Variants in CD5L observed in about 807,000 individuals in gnomAD.
CD5L encodes CD5 molecule like.
CD5L carries 39 observed loss-of-function variants against 40.8 expected under a neutral mutation model. The ratio of observed to expected loss-of-function variants is 0.96; its 90% confidence interval spans 0.74 to 1.25. The LOEUF (loss-of-function observed/expected upper bound fraction) is 1.25, where lower values mean the gene tolerates loss of function less well. Ranked by LOEUF, CD5L falls within the 50% of genes most tolerant of loss-of-function variation. The probability of loss-of-function intolerance (pLI) is 0.00; values close to 1 mark genes in which losing one functional copy is unlikely to be tolerated. For missense variants in CD5L, 433 were observed against 435.9 expected (o/e 0.99, Z 0.06); for synonymous variants, 192 against 169.6 (o/e 1.13, Z -1.03).
downstream of CD5L, among the ~76,000 whole-genome samples, chr1:157,827,243 T>C (rs140100250): frequency 1.3e-4 from 20 of 151,150 alleles, no homozygotes; most frequent in Middle Eastern, 3.4e-3. Context: ...GTCAGAGTTC[T>C]TCAGAGAAAC....
In CD5L at chr1:157,831,931, G is replaced by A; in HGVS notation, c.*33C>T. 1 of 1,566,692 alleles carries A rather than the reference G, an allele frequency of 6.4e-7. No homozygotes were observed. Among genetic ancestry groups the A allele is most frequent in the Non-Finnish European group, 8.6e-7 (1 of 1,160,340 alleles). On this transcript the variant is annotated 3_prime_UTR_variant, in exon 6 of 6. Coordinates refer to ENST00000368174, the MANE Select transcript of CD5L (RefSeq NM_005894.3). ...GGAGAACAAGCAGAGGGCAGGCGGG[G>A]CCAGGGGGGCCAGGTCAAGCAACAC...
In CD5L at chr1:157,836,853, G is replaced by A. The variant is rs55892440; in HGVS notation, c.56-698C>T. Among the ~76,000 whole-genome samples, 233 of 152,288 alleles carry A rather than the reference G, an allele frequency of 1.5e-3. 1 individual carries two copies. The highest frequency in any genetic ancestry group is 5.1e-3 in the African/African-American group (212 of 41,562). On this transcript the variant is annotated intron_variant, in intron 2 of 5. Transcript: ENST00000368174. ...CAGAGTCTCAGAGCCCCAAGAGTTT[G>A]GTCTAATTCCAGGGACTAGAAGCAT...
rs1331551830 is a variant in CD5L, at chr1:157,836,215, T to C, written c.56-60A>G. On this transcript the variant is annotated intron_variant, in intron 2 of 5. Transcript: ENST00000368174. ...GAGGAGCTCAGAGGGTCCTTAGGCA[T>C]GTACTCAGTCAATCTGGGACTCTTC... 47 of 1,418,716 alleles carry C rather than the reference T, an allele frequency of 3.3e-5. No individual in the cohort carries two copies. In the Admixed American group the frequency reaches 4.1e-4, roughly 12 times the overall value. The allele number at this position is 1,418,716 out of a possible 1,614,324, so 87.9% of individuals were successfully genotyped here. A position where few individuals can be genotyped will look rare whatever the true frequency, so the allele number is the denominator to read the frequency against.
chr1:157,838,999 C>CTCA (rs879260318), intron 2 of CD5L, among the ~76,000 whole-genome samples: 2 of 152,228 alleles, frequency 1.3e-5, no homozygotes, highest in African/African-American at 2.4e-5. Flanking sequence ...CAAACAAAGA[C>CTCA]ACCATTAAGC....
downstream of CD5L, among the ~76,000 whole-genome samples, chr1:157,829,609 A>G (rs1035738148): frequency 3.3e-5 from 5 of 152,250 alleles, no homozygotes; most frequent in Admixed American, 3.3e-4. Context: ...TTTCAGATCC[A>G]TAAACATGAT....
chr1:157,831,848 G>T lies in CD5L; in HGVS notation c.*116C>A. ...CCAGTGTTCAGACTCCTGAGGGGAT[G>T]AGGGAGTAGTGGCTCAAGCCTGAGC... On this transcript the variant is annotated 3_prime_UTR_variant, in exon 6 of 6. Transcript: ENST00000368174. The T allele has an allele frequency of 6.9e-7, 1 of 1,455,604 alleles. No individual in the cohort carries two copies. Among genetic ancestry groups the T allele is most frequent in the Non-Finnish European group, 9.0e-7 (1 of 1,106,420 alleles). 90.2% of individuals were successfully genotyped at this position (1,455,604 alleles called of 1,614,324 possible).
intron 2 of CD5L, among the ~76,000 whole-genome samples, chr1:157,838,562 A>C (rs945941892): frequency 1.3e-5 from 2 of 152,158 alleles, no homozygotes; most frequent in African/African-American, 4.8e-5. Flanking sequence ...ATAAATAAAA[A>C]ATAAAAAACA....
chr1:157,841,572 G>T, intron 1 of CD5L, 102 bp downstream of exon 1: 1 of 1,026,768 alleles, frequency 9.7e-7, no homozygotes, highest in Non-Finnish European at 1.5e-6. Flanking sequence ...GCTCATCCTT[G>T]AAAAACATCT....
rs1656033649 is a variant in CD5L, at chr1:157,831,070, A to C, written c.*894T>G. The C allele has an allele frequency of 2.0e-6, 2 of 985,208 alleles. No homozygotes were observed. The highest frequency in any genetic ancestry group is 2.4e-6 in the Non-Finnish European group (2 of 829,924). The allele number at this position is 985,208 out of a possible 1,614,324, so 61.0% of individuals were successfully genotyped here. On this transcript the variant is annotated 3_prime_UTR_variant, in exon 6 of 6. Transcript: ENST00000368174. ...TCTTGCCTCAAGCTTACAGGCCCCAAAGTCTCAGTTGATAAAGTGAAAATG... is the reference window on the plus strand; with the variant it reads ...TCTTGCCTCAAGCTTACAGGCCCCACAGTCTCAGTTGATAAAGTGAAAATG...
At chr1:157,829,267 A>G (rs1372751792), downstream of CD5L, among the ~76,000 whole-genome samples, 1 of 152,252 alleles carries the variant, frequency 6.6e-6, no homozygotes, top group Non-Finnish European at 1.5e-5. Context: ...ACCCTTTGGC[A>G]GGGTTATAAC....
intron 3 of CD5L, 76 bp from the exon 4 acceptor site, chr1:157,834,824 C>T (rs1656155790): frequency 1.8e-6 from 2 of 1,128,950 alleles, no homozygotes; most frequent in South Asian, 1.4e-5. Context: ...CCAATGGACA[C>T]ATCTCACAGT....
downstream of CD5L, among the ~76,000 whole-genome samples, chr1:157,827,268 A>ATGTG (rs4060881): frequency 7.2e-3 from 1,030 of 143,504 alleles, 6 homozygotes; most frequent in African/African-American, 0.023. Context: ...CAAATGGTGT[A>ATGTG]TGTGTGTGTG....
intron 3 of CD5L, 46 bp downstream of exon 3, chr1:157,835,789 G>A (rs770771834): frequency 1.0e-5 from 15 of 1,498,876 alleles, no homozygotes; most frequent in Admixed American, 5.2e-5. Flanking sequence ...GTGGCCGTGA[G>A]GGGTATGGCA....
chr1:157,833,567 A>C, intron 4 of CD5L, 55 bp from the exon 5 acceptor site: 4 of 1,354,322 alleles, frequency 3.0e-6, no homozygotes, highest in Non-Finnish European at 4.1e-6. Context: ...AAGGAGAAAA[A>C]ATAAGATCAT....
chr1:157,839,074 A>G (rs551147315), intron 2 of CD5L, among the ~76,000 whole-genome samples: 1 of 152,236 alleles, frequency 6.6e-6, no homozygotes, highest in African/African-American at 2.4e-5. Flanking sequence ...TTCATTTTTC[A>G]GGTATGCCCA....
Position 157,831,440 on chromosome 1 carries a change from G to GAA in CD5L, c.*522_*523dup, listed in dbSNP as rs75445239. The GAA allele has an allele frequency of 8.8e-6, 7 of 798,440 alleles. No homozygotes were observed. Among genetic ancestry groups the GAA allele is most frequent in the African/African-American group, 3.9e-5 (2 of 51,184 alleles). The allele number at this position is 798,440 out of a possible 1,614,324, so 49.5% of individuals were successfully genotyped here. ...CTATTGTGGTCACCTGAAGCTTGAG[G>GAA]AAAAAAAAAAAAAGTAGTCCAATCA... On this transcript the variant is annotated 3_prime_UTR_variant, in exon 6 of 6. Transcript: ENST00000368174.
At chr1:157,830,291 C>T (rs1240484272), downstream of CD5L, among the ~76,000 whole-genome samples, 1 of 152,190 alleles carries the variant, frequency 6.6e-6, no homozygotes, top group African/African-American at 2.4e-5. Flanking sequence ...CATGCATTTC[C>T]TTAGGGACTC....
At chr1:157,833,800 G>A (rs550815410) in intron 4 of CD5L, among the ~76,000 whole-genome samples, 2 of 146,158 alleles carry the variant, frequency 1.4e-5, no homozygotes, top group East Asian at 2.0e-4. Flanking sequence ...TTAAGAGACA[G>A]GGTTTTCCAT....
At position 157,841,667 on chromosome 1, in the gene CD5L, TACTC is replaced by T; in HGVS notation, c.28+3_28+6del. Reference sequence around the variant, plus strand: ...AAGCCTAAACCAACAGGTGCAGAGATACTCACCAAGGATCAAGGAGAATAGCAGA... The same window carrying T: ...AAGCCTAAACCAACAGGTGCAGAGATACCAAGGATCAAGGAGAATAGCAGA... On this transcript the variant is annotated splice_donor_5th_base_variant and intron_variant, in intron 1 of 5. Transcript: ENST00000368174. 6.2e-7 allele frequency: 1 copy of T among 1,612,994 alleles called. No homozygotes were observed. Among genetic ancestry groups the T allele is most frequent in the Non-Finnish European group, 8.5e-7 (1 of 1,179,486 alleles).
Sources: allele counts gnomAD v4.1 joint callset (sites outside exome capture counted in the v4.1 genomes callset), GRCh38; gene constraint gnomAD v4.1.1; transcripts MANE v1.5; gene names NCBI Gene and HGNC (gene_info 2026-07-23, HGNC 2026-07-21).